PTPRD: variants seen among roughly 807,000 people sequenced by gnomAD.
The protein encoded by PTPRD is protein tyrosine phosphatase receptor type D, also known as receptor-type tyrosine-protein phosphatase delta.
A neutral mutation model predicts 214.5 loss-of-function variants in PTPRD; 34 were observed. The observed-to-expected ratio is 0.16, with a 90% CI of 0.12 to 0.21. The LOEUF (loss-of-function observed/expected upper bound fraction) is 0.21. Among genes scored for constraint, PTPRD ranks in the 10% least tolerant of loss-of-function variants. The pLI is 1.00. For missense variants in PTPRD, 2,545 were observed against 2,398.7 expected, an observed-to-expected ratio of 1.06 and a Z score of -1.27; for synonymous variants, 1,128 against 845.7, an observed-to-expected ratio of 1.33 and a Z score of -5.79.
intron 3 of PTPRD, among the ~76,000 whole-genome samples, chr9:10,276,892 A>G (rs1313551946): frequency 6.6e-6 from 1 of 152,214 alleles, no homozygotes; most frequent in Non-Finnish European, 1.5e-5. Flanking sequence ...CACAAACTAT[A>G]CAAAGTTTGG....
intron 30 of PTPRD, among the ~76,000 whole-genome samples, chr9:8,476,273 T>C (rs1331400880): frequency 6.6e-6 from 1 of 152,204 alleles, no homozygotes; most frequent in Non-Finnish European, 1.5e-5. Context: ...CCCTCACATG[T>C]GCAGTTCACA....
intron 12 of PTPRD, among the ~76,000 whole-genome samples, chr9:8,725,959 G>A (rs2098551854): frequency 1.3e-5 from 2 of 151,248 alleles, no homozygotes; most frequent in South Asian, 2.1e-4. Flanking sequence ...GGCCCACACT[G>A]TTTAAAATTT....
chr9:9,520,521 C>G (rs79363802), intron 8 of PTPRD, among the ~76,000 whole-genome samples: 1,666 of 152,082 alleles, frequency 0.011, 33 homozygotes, highest in African/African-American at 0.038. Flanking sequence ...GGAAGAAATA[C>G]AGTGTCTTTT....
chr9:9,235,993 G>A (rs1466274498), intron 9 of PTPRD, among the ~76,000 whole-genome samples: 1 of 152,144 alleles, frequency 6.6e-6, no homozygotes, highest in Non-Finnish European at 1.5e-5. Context: ...GCCAGGTGCG[G>A]TGTCTCATGC....
chr9:8,492,799 A>T, intron 27 of PTPRD, 63 bp downstream of exon 27: 1 of 1,214,116 alleles, frequency 8.2e-7, no homozygotes, highest in Non-Finnish European at 1.2e-6. Flanking sequence ...GCTAGAAGCT[A>T]CCTATACCAT....
chr9:8,646,292 GT>G (rs1055425871), intron 12 of PTPRD, among the ~76,000 whole-genome samples: 1 of 152,038 alleles, frequency 6.6e-6, no homozygotes, highest in Non-Finnish European at 1.5e-5. Context: ...TCCTTCTTTT[GT>G]TTTCCCTTTT....
At position 8,391,129 on chromosome 9, in the gene PTPRD, C is replaced by T. The variant is rs1417887003; in HGVS notation, c.4211-1722G>A. Among the ~76,000 whole-genome samples, 8 of 150,976 alleles carry T rather than the reference C, an allele frequency of 5.3e-5. No individual in the cohort carries two copies. The East Asian group carries it at 1.4e-3, about 26-fold the overall frequency. On this transcript the variant is annotated intron_variant, in intron 36 of 45. Coordinates refer to ENST00000381196, the MANE Select transcript of PTPRD (RefSeq NM_002839.4). ...CTGGGAAATATGAATCTTGGAATTA[C>T]GGGGTAACCATTTTTTTTTTCTTTA...
intron 2 of PTPRD, among the ~76,000 whole-genome samples, chr9:10,470,610 G>A (rs948114353): frequency 6.6e-6 from 1 of 152,080 alleles, no homozygotes; most frequent in African/African-American, 2.4e-5. Flanking sequence ...TTTTGTTGTG[G>A]ATGCCCTCCT....
At chr9:9,692,658 T>C (rs2097295900) in intron 7 of PTPRD, among the ~76,000 whole-genome samples, 1 of 151,688 alleles carries the variant, frequency 6.6e-6, no homozygotes, top group South Asian at 2.1e-4. Context: ...TTTCTATTTC[T>C]GTGAAGACTG....
rs764082066 is a variant in PTPRD, at chr9:9,105,310, T to TG, written c.-143+77993_-143+77994insC. On this transcript the variant is annotated intron_variant, in intron 10 of 45. Coordinates refer to ENST00000381196, the MANE Select transcript of PTPRD (RefSeq NM_002839.4). ...AGCCTTTCATACCTCTTCCATAGCT[T>TG]TTCAATGATTATGCATTGTTGATTT... 1.6e-3 allele frequency among the ~76,000 whole-genome samples: 238 copies of TG among 151,202 alleles called. 1 individual carries two copies. Among genetic ancestry groups the TG allele is most frequent in the Admixed American group, 3.4e-3 (51 of 14,960 alleles).
At chr9:8,654,136 A>T (rs529561304) in intron 12 of PTPRD, among the ~76,000 whole-genome samples, 2 of 152,320 alleles carry the variant, frequency 1.3e-5, no homozygotes, top group South Asian at 4.1e-4. Flanking sequence ...AACATTATCA[A>T]ATGTCTCCTG....
At chr9:9,410,808 G>A (rs532831967) in intron 8 of PTPRD, among the ~76,000 whole-genome samples, 35 of 152,190 alleles carry the variant, frequency 2.3e-4, no homozygotes, top group Non-Finnish European at 7.4e-5. Flanking sequence ...CATGTCATGG[G>A]CTTCCCAACA....
chr9:8,726,050 C>T (rs1041583260), intron 12 of PTPRD, among the ~76,000 whole-genome samples: 3 of 151,948 alleles, frequency 2.0e-5, no homozygotes, highest in East Asian at 1.9e-4. Flanking sequence ...CACACACACA[C>T]ACACACACAC....
At chr9:8,443,126 C>G (rs1023752074) in intron 34 of PTPRD, among the ~76,000 whole-genome samples, 6 of 152,290 alleles carry the variant, frequency 3.9e-5, no homozygotes, top group Admixed American at 2.0e-4. Context: ...GCCTGGACAA[C>G]AGAGCAAGAT....
chr9:8,872,940 C>T (rs147454549), intron 11 of PTPRD, among the ~76,000 whole-genome samples: 93 of 152,160 alleles, frequency 6.1e-4, no homozygotes, highest in African/African-American at 2.0e-3. Flanking sequence ...TGAGTGCTGT[C>T]GGTGGAAAAT....
At chr9:10,078,359 A>T (rs2098170434) in intron 3 of PTPRD, among the ~76,000 whole-genome samples, 1 of 150,648 alleles carries the variant, frequency 6.6e-6, no homozygotes, top group Admixed American at 6.6e-5. Flanking sequence ...AAAAAAAAAA[A>T]AAAAAAATTA....
chr9:8,414,746 A>G (rs1450112007), intron 35 of PTPRD, among the ~76,000 whole-genome samples: 5 of 151,942 alleles, frequency 3.3e-5, no homozygotes, highest in African/African-American at 9.7e-5. Flanking sequence ...GGCCACCCCA[A>G]GGTAGAGCTG....
In PTPRD at chr9:9,229,110, C is replaced by T. The variant is rs181415332; in HGVS notation, c.-202-45747G>A. ...TTTCCCTGTAACATTCATATCTCAC[C>T]TAATTTTTCCAGTAGAATGATATCA... On this transcript the variant is annotated intron_variant, in intron 9 of 45. Coordinates refer to ENST00000381196, the MANE Select transcript of PTPRD (RefSeq NM_002839.4). Among the ~76,000 whole-genome samples the T allele has an allele frequency of 1.1e-3, 174 of 152,158 alleles. 1 individual carries two copies. Among genetic ancestry groups the T allele is most frequent in the Non-Finnish European group, 2.0e-3 (135 of 67,998 alleles).
At chr9:8,827,328 C>T (rs2097196099) in intron 11 of PTPRD, among the ~76,000 whole-genome samples, 1 of 152,088 alleles carries the variant, frequency 6.6e-6, no homozygotes, top group Non-Finnish European at 1.5e-5. Context: ...AGTTTTAGAC[C>T]AGGTGAGGTG....
Sources: allele counts gnomAD v4.1 joint callset (sites outside exome capture counted in the v4.1 genomes callset), GRCh38; gene constraint gnomAD v4.1.1; transcripts MANE v1.5; gene names NCBI Gene and HGNC (gene_info 2026-07-23, HGNC 2026-07-21).